The following GALNT7 variants were observed in gnomAD, a reference collection of about 807,000 sequenced individuals.
The protein encoded by GALNT7 is N-acetylgalactosaminyltransferase 7.
In GALNT7, 60 loss-of-function variants were observed where a neutral mutation model predicts 82.1. The ratio of observed to expected loss-of-function variants is 0.73; its 90% confidence interval spans 0.59 to 0.91. The LOEUF is 0.91. GALNT7 is among the 40% of genes least tolerant of loss of function. The probability of loss-of-function intolerance (pLI) is 0.00; values close to 1 mark genes in which losing one functional copy is unlikely to be tolerated. For missense variants in GALNT7, 660 were observed against 804.2 expected, an observed-to-expected ratio of 0.82 and a Z score of 2.17; for synonymous variants, 243 against 275.1, an observed-to-expected ratio of 0.88 and a Z score of 1.15.
chr4:173,211,473 T>G (rs1407216761), intron 1 of GALNT7, among the ~76,000 whole-genome samples: 1 of 152,324 alleles, frequency 6.6e-6, no homozygotes, highest in East Asian at 1.9e-4. Flanking sequence ...CAGACCTCAG[T>G]CTTCCATTCA....
intron 2 of GALNT7, among the ~76,000 whole-genome samples, chr4:173,265,077 A>G (rs572928510): frequency 6.6e-6 from 1 of 152,358 alleles, no homozygotes; most frequent in Non-Finnish European, 1.5e-5. Flanking sequence ...CACTGTGCCC[A>G]TCCTGGCAAG....
At chr4:173,211,834 T>A (rs13116270) in intron 1 of GALNT7, among the ~76,000 whole-genome samples, 23,268 of 152,250 alleles carry the variant, frequency 0.15, 1,869 homozygotes, top group Non-Finnish European at 0.18. Flanking sequence ...TCAAAATAGA[T>A]ACCAAGGGCT....
At chr4:173,176,302 G>A (rs1037758881) in intron 1 of GALNT7, among the ~76,000 whole-genome samples, 1 of 152,182 alleles carries the variant, frequency 6.6e-6, no homozygotes, top group African/African-American at 2.4e-5. Context: ...GTTGAGTTTG[G>A]AGGTAGTACA....
intron 8 of GALNT7, among the ~76,000 whole-genome samples, chr4:173,306,397 T>C (rs1294568719): frequency 2.0e-5 from 3 of 152,222 alleles, no homozygotes; most frequent in Admixed American, 2.0e-4. Context: ...AAACTTCCAG[T>C]AGTATGTTGA....
At chr4:173,194,219 G>C (rs1221643027) in intron 1 of GALNT7, among the ~76,000 whole-genome samples, 1 of 152,082 alleles carries the variant, frequency 6.6e-6, no homozygotes, top group East Asian at 1.9e-4. Flanking sequence ...AACTAATTGG[G>C]GTTCTTATTG....
intron 1 of GALNT7, among the ~76,000 whole-genome samples, chr4:173,237,759 TAA>T (rs34258933): frequency 2.1e-3 from 310 of 144,318 alleles, no homozygotes; most frequent in Admixed American, 2.5e-3. Context: ...TTCCCTGGAT[TAA>T]AAAAAAAAAA....
intron 1 of GALNT7, among the ~76,000 whole-genome samples, chr4:173,184,563 G>A (rs577282946): frequency 1.3e-5 from 2 of 150,232 alleles, no homozygotes; most frequent in Non-Finnish European, 3.0e-5. Context: ...GTCCAGCCTC[G>A]GCTCGGCATC....
At chr4:173,253,297 A>G (rs1734910652) in intron 2 of GALNT7, among the ~76,000 whole-genome samples, 1 of 152,184 alleles carries the variant, frequency 6.6e-6, no homozygotes, top group South Asian at 2.1e-4. Context: ...GCACTTGAAC[A>G]TGTAGTAGAA....
chr4:173,187,073 C>T (rs2126636468), intron 1 of GALNT7, among the ~76,000 whole-genome samples: 1 of 152,140 alleles, frequency 6.6e-6, no homozygotes, highest in East Asian at 1.9e-4. Context: ...TTTTAAAATA[C>T]ATTTACATTA....
intron 1 of GALNT7, among the ~76,000 whole-genome samples, chr4:173,237,285 T>G (rs769897815): frequency 2.0e-5 from 3 of 152,230 alleles, no homozygotes; most frequent in Non-Finnish European, 4.4e-5. Flanking sequence ...GCAATACTTT[T>G]TTTATGAGCT....
At chr4:173,191,862 T>G (rs966631928) in intron 1 of GALNT7, among the ~76,000 whole-genome samples, 1 of 152,040 alleles carries the variant, frequency 6.6e-6, no homozygotes, top group Non-Finnish European at 1.5e-5. Context: ...ACTTAGTGGA[T>G]TTTTTTAGGT....
In GALNT7 at chr4:173,295,426, T is replaced by C; in HGVS notation, c.785T>C (p.Ile262Thr). 1.3e-6 allele frequency: 2 copies of C among 1,598,188 alleles called. No individual in the cohort carries two copies. The highest frequency in any genetic ancestry group is 1.3e-5 in the African/African-American group (1 of 74,672). The change falls in exon 4 of 12, where the codon ATT becomes ACT. Residue 262 changes from isoleucine to threonine, a missense_variant. Physicochemically the swap from Ile to Thr is moderately conservative, Grantham distance 89. Coordinates refer to ENST00000265000, the MANE Select transcript of GALNT7 (RefSeq NM_017423.3). ...TTAAAAGAAAAACTGGATGAATATATTAAGCTGTGGAATGGCCTAGTGAAG... is the reference window on the plus strand; with the variant it reads ...TTAAAAGAAAAACTGGATGAATATACTAAGCTGTGGAATGGCCTAGTGAAG... ...EHLKEKLDEY[I>T]KLWNGLVKVF...
chr4:173,256,259 CTGAT>C (rs1735033405), intron 2 of GALNT7, among the ~76,000 whole-genome samples: 1 of 152,080 alleles, frequency 6.6e-6, no homozygotes, highest in African/African-American at 2.4e-5. Flanking sequence ...GAGAAGGAAA[CTGAT>C]TGATGAAGAA....
intron 2 of GALNT7, among the ~76,000 whole-genome samples, chr4:173,249,521 A>G (rs182367701): frequency 9.8e-5 from 15 of 152,348 alleles, no homozygotes; most frequent in African/African-American, 3.6e-4. Context: ...AACCTCTTAT[A>G]CAGAGAACAG....
At chr4:173,194,782 C>G (rs1320825876) in intron 1 of GALNT7, among the ~76,000 whole-genome samples, 1 of 152,074 alleles carries the variant, frequency 6.6e-6, no homozygotes, top group Non-Finnish European at 1.5e-5. Context: ...AATGCTTTCC[C>G]TCCCCGCTTC....
intron 1 of GALNT7, among the ~76,000 whole-genome samples, chr4:173,182,233 C>G (rs901644670): frequency 6.6e-5 from 10 of 151,954 alleles, no homozygotes; most frequent in African/African-American, 2.4e-4. Context: ...TTTATAAATG[C>G]AGAAAGAATA....
intron 8 of GALNT7, among the ~76,000 whole-genome samples, chr4:173,305,430 G>A (rs2126854023): frequency 6.6e-6 from 1 of 152,244 alleles, no homozygotes; most frequent in Non-Finnish European, 1.5e-5. Flanking sequence ...TTCTTAGTTT[G>A]ATATAATTCC....
chr4:173,319,936 A>G (rs1426620717), intron 11 of GALNT7, among the ~76,000 whole-genome samples: 1 of 152,184 alleles, frequency 6.6e-6, no homozygotes, highest in Non-Finnish European at 1.5e-5. Flanking sequence ...AAGGCTTTCC[A>G]TGGAAAGTAA....
intron 2 of GALNT7, among the ~76,000 whole-genome samples, chr4:173,274,748 AAT>A (rs932596175): frequency 1.2e-4 from 18 of 152,238 alleles, no homozygotes; most frequent in Non-Finnish European, 1.9e-4. Context: ...CACAATAACT[AAT>A]AGCAAAATCA....
Sources: allele counts gnomAD v4.1 joint callset (sites outside exome capture counted in the v4.1 genomes callset), GRCh38; gene constraint gnomAD v4.1.1; transcripts MANE v1.5; gene names NCBI Gene and HGNC (gene_info 2026-07-23, HGNC 2026-07-21).